Variants in AGBL4 observed in about 807,000 individuals in gnomAD.
AGBL4 encodes the protein AGBL carboxypeptidase 4, also known as cytosolic carboxypeptidase 6.
AGBL4 carries 58 observed loss-of-function variants against 66.4 expected under a neutral mutation model. That is an observed-to-expected ratio of 0.87 (90% CI 0.71 to 1.09). The LOEUF is 1.09. Ranked by LOEUF, AGBL4 falls within the 50% of genes least tolerant of loss-of-function variation. The pLI is 0.00. For synonymous variants in AGBL4, 234 were observed against 222.9 expected (o/e 1.05, Z -0.44); for missense variants, 579 against 631.0 (o/e 0.92, Z 0.88).
At chr1:49,070,348 G>C (rs1388124380) in intron 4 of AGBL4, among the ~76,000 whole-genome samples, 1 of 151,904 alleles carries the variant, frequency 6.6e-6, no homozygotes, top group Non-Finnish European at 1.5e-5. Flanking sequence ...TGCCCATTCA[G>C]TATGATAGTG....
chr1:48,524,123 C>T, the AGBL4 span, among the ~76,000 whole-genome samples: 5 of 152,220 alleles, frequency 3.3e-5, no homozygotes, highest in Non-Finnish European at 5.9e-5. Flanking sequence ...ACCTGGTATT[C>T]GACCTATTTT....
intron 4 of AGBL4, among the ~76,000 whole-genome samples, chr1:49,175,626 T>A (rs936764643): frequency 1.3e-4 from 20 of 152,150 alleles, no homozygotes; most frequent in African/African-American, 4.8e-4. Context: ...CTAACTCTCA[T>A]ATGCTATGAT....
chr1:49,415,710 A>G (rs993759059), intron 3 of AGBL4, among the ~76,000 whole-genome samples: 1 of 152,140 alleles, frequency 6.6e-6, no homozygotes, highest in African/African-American at 2.4e-5. Context: ...TTTTAGAACT[A>G]TCACTCTGAC....
intron 6 of AGBL4, among the ~76,000 whole-genome samples, chr1:48,702,884 A>G (rs1327427910): frequency 6.6e-6 from 1 of 152,162 alleles, no homozygotes; most frequent in Non-Finnish European, 1.5e-5. Flanking sequence ...TCAGCCCACA[A>G]ACAGAACTGG....
intron 11 of AGBL4, among the ~76,000 whole-genome samples, chr1:48,549,772 AAG>A (rs1482229843): frequency 1.3e-5 from 2 of 152,010 alleles, no homozygotes; most frequent in Non-Finnish European, 2.9e-5. Flanking sequence ...ATCAAACTGA[AAG>A]AGGTGTGAGA....
At chr1:49,742,260 GACAA>G (rs1268815390) in intron 2 of AGBL4, among the ~76,000 whole-genome samples, 1 of 150,252 alleles carries the variant, frequency 6.7e-6, no homozygotes, top group Non-Finnish European at 1.5e-5. Context: ...ACCAATAACA[GACAA>G]ACAGAGAGCC....
chr1:48,925,506 A>AT (rs1033165863), intron 5 of AGBL4, among the ~76,000 whole-genome samples: 17 of 151,670 alleles, frequency 1.1e-4, no homozygotes, highest in African/African-American at 2.4e-4. Context: ...ACATTATGAG[A>AT]TTTTTTTTGT....
intron 2 of AGBL4, among the ~76,000 whole-genome samples, chr1:49,738,536 C>T (rs1650107196): frequency 6.6e-6 from 1 of 152,226 alleles, no homozygotes; most frequent in Non-Finnish European, 1.5e-5. Context: ...ATGTCCCTGT[C>T]TGACAGCTTT....
intron 2 of AGBL4, among the ~76,000 whole-genome samples, chr1:49,815,825 T>C (rs1312931063): frequency 6.6e-6 from 1 of 152,160 alleles, no homozygotes. Context: ...TTTTGAGAAA[T>C]GTCTATTCAA....
chr1:49,864,750 G>C lies in AGBL4; in HGVS notation c.35-13232C>G, dbSNP rs1416900756. On this transcript the variant is annotated intron_variant, in intron 1 of 13. Coordinates refer to ENST00000371839, the MANE Select transcript of AGBL4 (RefSeq NM_032785.4). ...GCAGATTCTTGGCAGTAGTTCAGCT[G>C]GAGACTGCCTAAAATTATCAAGTTC... Among the ~76,000 whole-genome samples, 4 of 152,196 alleles carry C rather than the reference G, an allele frequency of 2.6e-5. No homozygotes were observed. The South Asian group carries it at 8.3e-4, about 31-fold the overall frequency.
intron 4 of AGBL4, among the ~76,000 whole-genome samples, chr1:49,151,572 CA>C (rs761946185): frequency 0.027 from 2,128 of 78,602 alleles, 27 homozygotes; most frequent in African/African-American, 0.059. Context: ...TTGACAGTTA[CA>C]AAAAAAAAAA....
chr1:49,159,967 C>T (rs529275058), intron 4 of AGBL4, among the ~76,000 whole-genome samples: 7 of 152,116 alleles, frequency 4.6e-5, no homozygotes, highest in Non-Finnish European at 1.0e-4. Flanking sequence ...ATTTGTCTAA[C>T]CTCTTTTCAA....
In AGBL4 at chr1:49,691,950, C is replaced by T. The variant is rs540323933; in HGVS notation, c.282+5363G>A. On this transcript the variant is annotated intron_variant, in intron 3 of 13. Transcript: ENST00000371839. Reference sequence around the variant, plus strand: ...AGCCTGCAGATGGCCTATTGTGGGACCTTGTGATCATGTGAGTTAATACTT... The same window carrying T: ...AGCCTGCAGATGGCCTATTGTGGGATCTTGTGATCATGTGAGTTAATACTT... 3.3e-5 allele frequency among the ~76,000 whole-genome samples: 5 copies of T among 152,174 alleles called. No individual in the cohort carries two copies. The South Asian group carries it at 1.0e-3, about 32-fold the overall frequency.
chr1:49,738,477 G>T (rs1650100734), intron 2 of AGBL4, among the ~76,000 whole-genome samples: 1 of 152,110 alleles, frequency 6.6e-6, no homozygotes, highest in Non-Finnish European at 1.5e-5. Context: ...ACACCTCTGG[G>T]GGCAGGGCAT....
intron 3 of AGBL4, among the ~76,000 whole-genome samples, chr1:49,463,984 T>C (rs534532398): frequency 6.6e-6 from 1 of 151,872 alleles, no homozygotes; most frequent in African/African-American, 2.4e-5. Flanking sequence ...TGCTGCCTAA[T>C]AGGTCCACAA....
rs373088927 is a variant in AGBL4 at position 49,608,714 on chromosome 1, C to T, written c.282+88599G>A. On this transcript the variant is annotated intron_variant, in intron 3 of 13. Transcript: ENST00000371839. ...CCAAACTCCAAATACAGTTATTATC[C>T]TATTCCTCAGTAAATGCATCTCCTA... Among the ~76,000 whole-genome samples, 49 of 152,192 alleles carry T rather than the reference C, an allele frequency of 3.2e-4. No homozygotes were observed. The East Asian group carries it at 4.1e-3, about 13-fold the overall frequency.
At chr1:49,286,701 G>A (rs1174955608) in intron 3 of AGBL4, among the ~76,000 whole-genome samples, 1 of 151,556 alleles carries the variant, frequency 6.6e-6, no homozygotes, top group Non-Finnish European at 1.5e-5. Flanking sequence ...CACTGCTCAA[G>A]GAAATAAAAG....
At chr1:49,691,996 T>A (rs999623164) in intron 3 of AGBL4, among the ~76,000 whole-genome samples, 1 of 152,018 alleles carries the variant, frequency 6.6e-6, no homozygotes, top group Non-Finnish European at 1.5e-5. Context: ...CCATATATAA[T>A]CATCAGATCT....
chr1:48,712,948 T>C (rs1646991128), intron 6 of AGBL4, among the ~76,000 whole-genome samples: 2 of 152,180 alleles, frequency 1.3e-5, no homozygotes, highest in Non-Finnish European at 2.9e-5. Context: ...GTGCTGCCCA[T>C]GTACCAGTAC....
Sources: gnomAD v4.1 joint callset for allele counts (sites outside exome capture counted in the v4.1 genomes callset) on GRCh38, gnomAD v4.1.1 for gene constraint, MANE v1.5 for transcripts, NCBI Gene and HGNC (gene_info 2026-07-23, HGNC 2026-07-21) for gene names.